APOO: variants seen among roughly 807,000 people sequenced by gnomAD.
The protein encoded by APOO is MICOS complex subunit MIC26.
Under a neutral mutation model 23.1 loss-of-function variants are expected in APOO, and 11 were observed. The ratio of observed to expected loss-of-function variants is 0.48; its 90% confidence interval spans 0.30 to 0.79. The LOEUF is 0.79. Ranked by LOEUF, APOO falls within the 30% of genes least tolerant of loss-of-function variation. APOO has a pLI of 0.07. For missense variants in APOO, 160 were observed against 142.7 expected (o/e 1.12, Z -0.62); for synonymous variants, 59 against 54.8 (o/e 1.08, Z -0.34).
chrX:23,875,394 T>A (rs866933042), intron 3 of APOO, among the ~76,000 whole-genome samples: 1 of 106,310 alleles, frequency 9.4e-6, no homozygotes, highest in African/African-American at 3.4e-5. Flanking sequence ...GGAAAGGATT[T>A]TTTTTTTATT....
chrX:23,891,672 AC>A (rs1315152045), intron 1 of APOO, among the ~76,000 whole-genome samples: 1 of 111,489 alleles, frequency 9.0e-6, no homozygotes. Flanking sequence ...TTCAACTGCT[AC>A]TTCAAACAGG....
rs893052672 is a variant in APOO at position 23,907,821 on chromosome X, G to A, written c.-119C>T. The A allele has an allele frequency of 5.8e-5, 48 of 828,005 alleles. No homozygotes were observed. The highest frequency in any genetic ancestry group is 7.4e-5 in the Non-Finnish European group (45 of 605,575). The allele number at this position is 828,005 out of a possible 1,213,427, so 68.2% of individuals were successfully genotyped here. ...TCTCCAACCGCAAGCAGGCAGCGGT[G>A]CGGGTGACGGCCGTACTGCAAACTC... On this transcript the variant is annotated 5_prime_UTR_variant, in exon 1 of 9. Coordinates refer to ENST00000379226, the MANE Select transcript of APOO (RefSeq NM_024122.5).
chrX:23,869,019 C>A (rs999156209), intron 4 of APOO, among the ~76,000 whole-genome samples: 9 of 108,753 alleles, frequency 8.3e-5, no homozygotes, highest in African/African-American at 3.0e-4. Flanking sequence ...AGCAATTCTC[C>A]TGCCTCAGCC....
chrX:23,880,987 T>C, intron 1 of APOO, 35 bp from the exon 2 acceptor site: 1 of 1,007,211 alleles, frequency 9.9e-7, no homozygotes, highest in Non-Finnish European at 1.3e-6. Context: ...CCTCTCTATG[T>C]TACAGACCGA....
At chrX:23,895,381 T>C (rs1926853757) in intron 1 of APOO, among the ~76,000 whole-genome samples, 2 of 111,551 alleles carry the variant, frequency 1.8e-5, no homozygotes, top group South Asian at 7.4e-4. Context: ...ACCATCATTC[T>C]CAGCAAACTA....
At chrX:23,903,733 A>G (rs746445141) in intron 1 of APOO, among the ~76,000 whole-genome samples, 52 of 112,147 alleles carry the variant, frequency 4.6e-4, no homozygotes, top group African/African-American at 1.4e-3. Flanking sequence ...TTAAAAACGA[A>G]AAAAGAAAAA....
intron 8 of APOO, among the ~76,000 whole-genome samples, chrX:23,835,423 CA>C (rs1270580619): frequency 1.8e-5 from 2 of 111,872 alleles, no homozygotes; most frequent in Non-Finnish European, 3.8e-5. Context: ...TTTTAATATA[CA>C]ACCAAAAATT....
At chrX:23,887,156 G>A (rs746994325) in intron 1 of APOO, among the ~76,000 whole-genome samples, 6 of 106,823 alleles carry the variant, frequency 5.6e-5, no homozygotes, top group Admixed American at 3.1e-4. Flanking sequence ...GAGGAGTCCT[G>A]ACCCATTATG....
chrX:23,907,033 ATAATT>A (rs1927389149), intron 1 of APOO, among the ~76,000 whole-genome samples: 1 of 112,755 alleles, frequency 8.9e-6, no homozygotes, highest in Non-Finnish European at 1.9e-5. Flanking sequence ...CAAAATACAT[ATAATT>A]TACTTTTTAA....
At chrX:23,869,640 GAAAAAAAAAAAAA>G (rs761388017) in intron 4 of APOO, among the ~76,000 whole-genome samples, 4 of 33,933 alleles carry the variant, frequency 1.2e-4, no homozygotes, top group East Asian at 1.9e-3. Context: ...CTCTTAAAAA[GAAAAAAAAAAAAA>G]AAAAAAAAAA....
At chrX:23,883,496 C>T (rs1249642546) in intron 1 of APOO, 2 of 111,587 alleles carry the variant, frequency 1.8e-5, no homozygotes, top group Non-Finnish European at 3.8e-5. Flanking sequence ...CACCTTCCCA[C>T]TCCATACCCC....
rs185329486 is a variant in APOO at position 23,892,722 on chromosome X, C to T, written c.10-11770G>A. Among the ~76,000 whole-genome samples, 241 of 103,671 alleles carry T rather than the reference C, an allele frequency of 2.3e-3. 1 individual carries two copies. The highest frequency in any genetic ancestry group is 7.2e-3 in the African/African-American group (204 of 28,361). 90.0% of individuals were successfully genotyped at this position (103,671 alleles called of 115,157 possible). On this transcript the variant is annotated intron_variant, in intron 1 of 8. Coordinates refer to ENST00000379226, the MANE Select transcript of APOO (RefSeq NM_024122.5). ...GGTGGAGCTTGCAGTGAGCCAAGAT[C>T]GCGCCACTGCACTCCAACCTGGGCG...
At chrX:23,835,144 C>T (rs1238535514) in intron 8 of APOO, among the ~76,000 whole-genome samples, 3 of 107,709 alleles carry the variant, frequency 2.8e-5, no homozygotes, top group East Asian at 2.9e-4. Context: ...TCACCGCAAC[C>T]TCCATCTCCC....
At position 23,871,156 on chromosome X, in the gene APOO, T is replaced by A. The variant is rs1183447111; in HGVS notation, c.293-2468A>T. Among the ~76,000 whole-genome samples the A allele has an allele frequency of 3.1e-5, 3 of 96,078 alleles. No homozygotes were observed. The Admixed American group carries it at 3.6e-4, about 12-fold the overall frequency. The allele number at this position is 96,078 out of a possible 115,157, so 83.4% of individuals were successfully genotyped here. A position where few individuals can be genotyped will look rare whatever the true frequency, so the allele number is the denominator to read the frequency against. On this transcript the variant is annotated intron_variant, in intron 4 of 8. Transcript: ENST00000379226. ...GTTGATAAATACTGGATGTATTCCA[T>A]CCTGGCTAACATGGTGAAACCCCAA...
intron 5 of APOO, 92 bp from the exon 6 acceptor site, chrX:23,858,825 GCA>G: frequency 1.2e-6 from 1 of 816,980 alleles, no homozygotes. Flanking sequence ...ACAAGGCCAG[GCA>G]CAGTGGCTCA....
chrX:23,879,822 C>A (rs1442598506), intron 2 of APOO, among the ~76,000 whole-genome samples: 1 of 111,821 alleles, frequency 8.9e-6, no homozygotes, highest in East Asian at 2.8e-4. Flanking sequence ...CTTACAGCCA[C>A]TGCTGGCTGC....
At position 23,846,134 on chromosome X, in the gene APOO, G is replaced by A. The variant is rs558412094; in HGVS notation, c.562-5757C>T. On this transcript the variant is annotated intron_variant, in intron 7 of 8. Coordinates refer to ENST00000379226, the MANE Select transcript of APOO (RefSeq NM_024122.5). ...AGCCTGGCCAACATGGCGAAACCCCGTCTCTACTAAAAATACAAAAAAAAA... is the reference window on the plus strand; with the variant it reads ...AGCCTGGCCAACATGGCGAAACCCCATCTCTACTAAAAATACAAAAAAAAA... Among the ~76,000 whole-genome samples the A allele has an allele frequency of 7.5e-5, 8 of 107,035 alleles. No individual in the cohort carries two copies. The South Asian group carries it at 2.9e-3, about 38-fold the overall frequency. 92.9% of individuals were successfully genotyped at this position (107,035 alleles called of 115,157 possible).
At chrX:23,894,301 C>T (rs1234482973) in intron 1 of APOO, among the ~76,000 whole-genome samples, 1 of 109,107 alleles carries the variant, frequency 9.2e-6, no homozygotes, top group Admixed American at 9.9e-5. Context: ...CACACCACCA[C>T]GCCTGGCTAA....
At chrX:23,867,545 C>CT (rs1017629174) in intron 5 of APOO, among the ~76,000 whole-genome samples, 21 of 108,554 alleles carry the variant, frequency 1.9e-4, no homozygotes, top group African/African-American at 6.0e-4. Context: ...AAATAAACCT[C>CT]TTTTTTTTTT....
Sources: allele counts gnomAD v4.1 joint callset (sites outside exome capture counted in the v4.1 genomes callset), GRCh38; gene constraint gnomAD v4.1.1; transcripts MANE v1.5; gene names NCBI Gene and HGNC (gene_info 2026-07-23, HGNC 2026-07-21).